The following PROM1 variants were observed in gnomAD, a reference collection of about 807,000 sequenced individuals.
PROM1 encodes prominin 1, also known as prominin-1.
In PROM1, 105 loss-of-function variants were observed where a neutral mutation model predicts 116.9. The observed-to-expected ratio is 0.90, with a 90% CI of 0.77 to 1.06. The LOEUF (loss-of-function observed/expected upper bound fraction) is 1.06, where lower values mean the gene tolerates loss of function less well. Ranked by LOEUF, PROM1 falls within the 50% of genes least tolerant of loss-of-function variation. The pLI is 0.00. For missense variants in PROM1, 1,122 were observed against 1,045.2 expected (o/e 1.07, Z -1.01); for synonymous variants, 393 against 387.0 (o/e 1.02, Z -0.18).
At chr4:16,025,674 C>T (rs565646633) in intron 5 of PROM1, among the ~76,000 whole-genome samples, 2 of 152,214 alleles carry the variant, frequency 1.3e-5, no homozygotes, top group African/African-American at 2.4e-5. Flanking sequence ...TGTGTGTACA[C>T]ACCCTCCTGT....
At position 15,984,393 on chromosome 4, in the gene PROM1, T is replaced by C. The variant is rs759233847; in HGVS notation, c.2281-38A>G. ...AAACACAGGGAAACTTTGAGCTGCA[T>C]CCACAAAAACCCAAAGGAATGAGAC... On this transcript the variant is annotated intron_variant, in intron 22 of 27. Coordinates refer to ENST00000447510, the MANE Select transcript of PROM1 (RefSeq NM_006017.3). 2.0e-5 allele frequency: 28 copies of C among 1,428,146 alleles called. No homozygotes were observed. The South Asian group carries it at 3.1e-4, about 16-fold the overall frequency. The allele number at this position is 1,428,146 out of a possible 1,614,324, so 88.5% of individuals were successfully genotyped here. A position where few individuals can be genotyped will look rare whatever the true frequency, so the allele number is the denominator to read the frequency against.
chr4:16,045,169 A>G (rs1736250289), intron 2 of PROM1, among the ~76,000 whole-genome samples: 1 of 152,086 alleles, frequency 6.6e-6, no homozygotes, highest in African/African-American at 2.4e-5. Context: ...CTTGACCCAC[A>G]GCCCGACTCT....
intron 10 of PROM1, 142 bp from the exon 11 acceptor site, chr4:16,013,480 G>A: frequency 1.6e-6 from 1 of 606,734 alleles, no homozygotes; most frequent in South Asian, 2.2e-5. Context: ...ATCATTATAT[G>A]GTCATCAAGA....
rs1491481905 is a variant in PROM1, at chr4:16,004,904, TCC to T, written c.1454+1632_1454+1633del. ...CTCTCTCTCCCTCCCCCTCTCTCTCTCCCTTCCTTCCTTCCTTCCTTCCTTCC... is the reference window on the plus strand; with the variant it reads ...CTCTCTCTCCCTCCCCCTCTCTCTCTCTTCCTTCCTTCCTTCCTTCCTTCC... On this transcript the variant is annotated intron_variant, in intron 13 of 27. Transcript: ENST00000447510. 8.6e-5 allele frequency among the ~76,000 whole-genome samples: 7 copies of T among 81,846 alleles called. No individual in the cohort carries two copies. In the South Asian group the frequency reaches 1.8e-3, roughly 21 times the overall value. The allele number at this position is 81,846 out of a possible 152,430, so 53.7% of individuals were successfully genotyped here.
chr4:15,999,549 C>T (rs998098014), intron 14 of PROM1, among the ~76,000 whole-genome samples: 2 of 151,958 alleles, frequency 1.3e-5, no homozygotes, highest in Admixed American at 6.6e-5. Flanking sequence ...CATGACTGTA[C>T]GCGCTTGAGA....
At chr4:16,068,655 T>C (rs895420644) in intron 2 of PROM1, among the ~76,000 whole-genome samples, 2 of 152,214 alleles carry the variant, frequency 1.3e-5, no homozygotes, top group Admixed American at 6.5e-5. Flanking sequence ...TGTCGCTCAA[T>C]TCTAGAATTG....
intron 2 of PROM1, among the ~76,000 whole-genome samples, chr4:16,061,465 TA>T (rs1243230366): frequency 6.6e-6 from 1 of 152,202 alleles, no homozygotes; most frequent in Non-Finnish European, 1.5e-5. Context: ...AATGTATGTA[TA>T]CACAATAGAA....
chr4:16,067,466 C>T (rs999965364), intron 2 of PROM1, among the ~76,000 whole-genome samples: 8 of 152,200 alleles, frequency 5.3e-5, no homozygotes, highest in Non-Finnish European at 1.0e-4. Context: ...GCTCCTGGTG[C>T]TGTTGACTCG....
At position 16,038,959 on chromosome 4, in the gene PROM1, A is replaced by G; in HGVS notation, c.263T>C (p.Ile88Thr). 8 of 1,497,850 alleles carry G rather than the reference A, an allele frequency of 5.3e-6. No individual in the cohort carries two copies. Among genetic ancestry groups the G allele is most frequent in the Non-Finnish European group, 7.1e-6 (8 of 1,122,190 alleles). The allele number at this position is 1,497,850 out of a possible 1,614,324, so 92.8% of individuals were successfully genotyped here. A position where few individuals can be genotyped will look rare whatever the true frequency, so the allele number is the denominator to read the frequency against. The change falls in exon 3 of 28, where the codon ATT (isoleucine) becomes ACT (threonine). Residue 88 changes from isoleucine (I) to threonine (T), a missense_variant. Ile to Thr is a moderately conservative substitution (Grantham distance 89). Transcript: ENST00000447510. The stretch of plus-strand genomic sequence containing the variant: ...ATGAAAAATTACCTTGTCATAATCA[A>G]TTTTGGATTCATATGCCTTCTGTAA... The part of the protein sequence containing the change: ...KFLQKAYESK[I>T]DYDKPETVIL...
intron 2 of PROM1, among the ~76,000 whole-genome samples, chr4:16,054,005 A>C (rs1176512988): frequency 6.6e-6 from 1 of 152,192 alleles, no homozygotes. Flanking sequence ...AAGGCAGGAG[A>C]ATCGCTTGAA....
intron 23 of PROM1, 101 bp downstream of exon 23, chr4:15,984,162 C>T: frequency 2.0e-6 from 2 of 1,000,352 alleles, no homozygotes; most frequent in Non-Finnish European, 3.0e-6. Flanking sequence ...GTTTTGGATT[C>T]TCTCAAGCAG....
intron 2 of PROM1, chr4:16,055,301 G>A (rs1009623393): frequency 2.3e-6 from 1 of 441,294 alleles, no homozygotes; most frequent in Non-Finnish European, 4.6e-6. Flanking sequence ...TCAGGAGGCT[G>A]AGGCAGGAGG....
At chr4:15,997,274 C>T (rs925628527) in intron 15 of PROM1, among the ~76,000 whole-genome samples, 4 of 119,534 alleles carry the variant, frequency 3.3e-5, no homozygotes, top group South Asian at 3.1e-4. Flanking sequence ...AATATATATT[C>T]GTTCATTCAT....
At chr4:16,044,146 G>C (rs759257638) in intron 2 of PROM1, among the ~76,000 whole-genome samples, 10 of 152,160 alleles carry the variant, frequency 6.6e-5, no homozygotes, top group Non-Finnish European at 1.5e-4. Flanking sequence ...CCTTGTGCAG[G>C]ACCCATATAT....
chr4:16,075,750 C>T lies in PROM1; in HGVS notation c.157G>A (p.Gly53Ser), dbSNP rs1743822611. 1 of 1,613,674 alleles carries T rather than the reference C, an allele frequency of 6.2e-7. No homozygotes were observed. The highest frequency in any genetic ancestry group is 8.5e-7 in the Non-Finnish European group (1 of 1,179,852). ...ATATGCACTAGTTCAAAGAGAATGC[C>T]AATGGGTCCAGCTTTATGGGAGTCT... is the stretch of plus-strand genomic sequence containing the variant. The part of the protein sequence containing the change: ...TQDSHKAGPI[G>S]ILFELVHIFL... Residue 53 changes from glycine to serine, a missense_variant, in exon 2 of 28, where the codon GGC becomes AGC. Gly to Ser is a moderately conservative substitution (Grantham distance 56). Transcript: ENST00000447510.
At chr4:16,004,556 C>T (rs1286838586) in intron 13 of PROM1, among the ~76,000 whole-genome samples, 1 of 152,116 alleles carries the variant, frequency 6.6e-6, no homozygotes, top group East Asian at 1.9e-4. Context: ...TATATACACA[C>T]CCCACCAAAA....
chr4:16,023,592 C>T (rs955771888), intron 7 of PROM1, among the ~76,000 whole-genome samples, 177 bp from the exon 8 acceptor site: 12 of 152,180 alleles, frequency 7.9e-5, no homozygotes, highest in African/African-American at 2.7e-4. Flanking sequence ...TCCGCACCAA[C>T]TGTTCCCCAG....
At position 16,075,667 on chromosome 4, in the gene PROM1, T is replaced by G; in HGVS notation, c.220+20A>C. ...TGCGTTTGGAGATAAATCCTATCTT[T>G]CCCTGCCATCAGCACTTACCTTCTG... On this transcript the variant is annotated intron_variant, in intron 2 of 27. Coordinates refer to ENST00000447510, the MANE Select transcript of PROM1 (RefSeq NM_006017.3). The G allele has an allele frequency of 6.3e-7, 1 of 1,594,800 alleles. No homozygotes were observed. Among genetic ancestry groups the G allele is most frequent in the Non-Finnish European group, 8.6e-7 (1 of 1,166,986 alleles).
At chr4:16,015,711 CA>C (rs1260494451) in intron 10 of PROM1, among the ~76,000 whole-genome samples, 12 of 151,660 alleles carry the variant, frequency 7.9e-5, no homozygotes, top group African/African-American at 2.7e-4. Flanking sequence ...CAAAACAAAA[CA>C]AAAAAACAAC....
Sources: gnomAD v4.1 joint callset for allele counts (sites outside exome capture counted in the v4.1 genomes callset) on GRCh38, gnomAD v4.1.1 for gene constraint, MANE v1.5 for transcripts, NCBI Gene and HGNC (gene_info 2026-07-23, HGNC 2026-07-21) for gene names.